The following LEKR1 variants were observed in gnomAD, a reference collection of about 807,000 sequenced individuals.
LEKR1 encodes the protein leucine, glutamate and lysine rich 1.
LEKR1 carries 59 observed loss-of-function variants against 72.4 expected under a neutral mutation model. That is an observed-to-expected ratio of 0.82 (90% CI 0.66 to 1.01). LEKR1 has a LOEUF of 1.01. LEKR1 is among the 50% of genes least tolerant of loss of function. LEKR1 has a pLI of 0.00. For missense variants in LEKR1, 728 were observed against 759.2 expected, an observed-to-expected ratio of 0.96 and a Z score of 0.48; for synonymous variants, 257 against 263.2, an observed-to-expected ratio of 0.98 and a Z score of 0.23.
rs1438383099 is a variant in LEKR1 at position 156,852,898 on chromosome 3, G to A, written c.179G>A (p.Arg60His). 1.6e-5 allele frequency: 24 copies of A among 1,458,450 alleles called. No individual in the cohort carries two copies. The highest frequency in any genetic ancestry group is 2.6e-5 in the East Asian group (1 of 38,000). 90.3% of individuals were successfully genotyped at this position (1,458,450 alleles called of 1,614,324 possible). A position where few individuals can be genotyped will look rare whatever the true frequency, so the allele number is the denominator to read the frequency against. The change falls in exon 3 of 13, where the codon CGT becomes CAT. Residue 60 changes from arginine to histidine, a missense_variant. Arg to His is a conservative substitution (Grantham distance 29, BLOSUM62 0). Coordinates refer to ENST00000356539, the MANE Select transcript of LEKR1 (RefSeq NM_001004316.3). The part of the protein sequence containing the change: ...EMKFYQGSVD[R>H]EKRLQEKLHS... ...AAATTTTATCAAGGAAGTGTAGATC[G>A]TGAAAAGAGACTTCAAGAAAAGCTG...
intron 3 of LEKR1, among the ~76,000 whole-genome samples, chr3:156,918,195 A>T (rs1723835930): frequency 1.3e-5 from 2 of 152,206 alleles, no homozygotes; most frequent in African/African-American, 4.8e-5. Flanking sequence ...ATTTAACTAT[A>T]TTGGGAGGAT....
intron 6 of LEKR1, among the ~76,000 whole-genome samples, chr3:156,978,755 A>T (rs1394620468): frequency 2.6e-5 from 4 of 151,904 alleles, no homozygotes; most frequent in African/African-American, 9.7e-5. Flanking sequence ...AGCCTGGAAC[A>T]TGATTTGTCT....
chr3:156,974,765 A>G (rs1201696522), intron 6 of LEKR1, among the ~76,000 whole-genome samples: 1 of 151,930 alleles, frequency 6.6e-6, no homozygotes, highest in East Asian at 1.9e-4. Flanking sequence ...GAATAATACA[A>G]CATGTATGTG....
intron 3 of LEKR1, among the ~76,000 whole-genome samples, chr3:156,898,349 A>G (rs1211598724): frequency 6.6e-6 from 1 of 152,176 alleles, no homozygotes; most frequent in Non-Finnish European, 1.5e-5. Flanking sequence ...ATGACTCCCC[A>G]GAACCCTTAG....
At chr3:157,010,590 A>G (rs577683586) in intron 9 of LEKR1, among the ~76,000 whole-genome samples, 1 of 152,192 alleles carries the variant, frequency 6.6e-6, no homozygotes, top group African/African-American at 2.4e-5. Flanking sequence ...AAGGATTAGA[A>G]GAATGAATGA....
chr3:156,911,399 A>T (rs1250346870), intron 3 of LEKR1, among the ~76,000 whole-genome samples: 1 of 151,938 alleles, frequency 6.6e-6, no homozygotes, highest in African/African-American at 2.4e-5. Context: ...TAGATTCTGG[A>T]TATTAGACTT....
intron 12 of LEKR1, 67 bp from the exon 13 acceptor site, chr3:157,045,273 C>T (rs764704973): frequency 4.6e-6 from 6 of 1,315,484 alleles, no homozygotes; most frequent in South Asian, 1.4e-5. Flanking sequence ...TTGTATTGTC[C>T]GTAACTATCT....
At chr3:156,958,910 G>A (rs909580693) in intron 6 of LEKR1, among the ~76,000 whole-genome samples, 1 of 151,814 alleles carries the variant, frequency 6.6e-6, no homozygotes, top group Non-Finnish European at 1.5e-5. Flanking sequence ...GTTTTGTTTG[G>A]CTTTACTTTC....
chr3:156,969,037 A>G (rs1452626477), intron 6 of LEKR1, among the ~76,000 whole-genome samples: 9 of 152,214 alleles, frequency 5.9e-5, no homozygotes, highest in Admixed American at 5.9e-4. Context: ...CTGGGTACAT[A>G]ATGAAATGAA....
intron 6 of LEKR1, among the ~76,000 whole-genome samples, chr3:156,955,570 A>T (rs1274391293): frequency 1.3e-5 from 2 of 151,962 alleles, no homozygotes; most frequent in African/African-American, 2.4e-5. Context: ...GTTGAATTTT[A>T]TCAAAGGCCT....
chr3:156,914,387 C>T (rs2108569862), intron 3 of LEKR1, among the ~76,000 whole-genome samples: 1 of 152,262 alleles, frequency 6.6e-6, no homozygotes, highest in African/African-American at 2.4e-5. Flanking sequence ...TTATTCATCT[C>T]CCACTTATGA....
chr3:157,039,803 G>A (rs1288252828), intron 12 of LEKR1, among the ~76,000 whole-genome samples: 1 of 152,142 alleles, frequency 6.6e-6, no homozygotes, highest in Non-Finnish European at 1.5e-5. Context: ...ACAGAATATG[G>A]CACACACTTC....
At position 157,040,936 on chromosome 3, in the gene LEKR1, T is replaced by C. The variant is rs116817563; in HGVS notation, c.1669-4404T>C. Among the ~76,000 whole-genome samples, 948 of 152,282 alleles carry C rather than the reference T, an allele frequency of 6.2e-3. 5 individuals carry two copies. Among genetic ancestry groups the C allele is most frequent in the African/African-American group, 0.022 (894 of 41,540 alleles). The stretch of plus-strand genomic sequence containing the variant: ...CCTTCTCTCCCTTCTTCCACTGTTT[T>C]TGAAATTTAAAGCAACCCAGCTGCC... On this transcript the variant is annotated intron_variant, in intron 12 of 12. Coordinates refer to ENST00000356539, the MANE Select transcript of LEKR1 (RefSeq NM_001004316.3).
chr3:156,942,340 A>C (rs967225678), intron 5 of LEKR1, among the ~76,000 whole-genome samples, 189 bp from the exon 6 acceptor site: 1 of 152,040 alleles, frequency 6.6e-6, no homozygotes, highest in African/African-American at 2.4e-5. Context: ...GTAGCAATAA[A>C]ACTTTTTTTA....
intron 6 of LEKR1, among the ~76,000 whole-genome samples, chr3:156,971,722 C>CA (rs1443693514): frequency 6.6e-6 from 1 of 152,070 alleles, no homozygotes; most frequent in Non-Finnish European, 1.5e-5. Flanking sequence ...TTTATGCAGC[C>CA]AAAAGACACG....
At chr3:156,846,380 C>T (rs1028986734) in intron 2 of LEKR1, among the ~76,000 whole-genome samples, 2 of 151,560 alleles carry the variant, frequency 1.3e-5, no homozygotes, top group African/African-American at 4.8e-5. Context: ...GGTGGATATC[C>T]TTGCCATTTT....
chr3:156,973,020 TAAG>T (rs1165137633), intron 6 of LEKR1, among the ~76,000 whole-genome samples: 16 of 152,092 alleles, frequency 1.1e-4, no homozygotes, highest in Non-Finnish European at 2.1e-4. Flanking sequence ...AAATAACAAA[TAAG>T]AAAGTTACAT....
At chr3:156,843,387 TC>T in intron 2 of LEKR1, among the ~76,000 whole-genome samples, 2 of 152,286 alleles carry the variant, frequency 1.3e-5, no homozygotes, top group East Asian at 3.9e-4. Flanking sequence ...GTGGAACTGA[TC>T]TTTTGTTTTT....
At chr3:156,949,972 G>T (rs1214782967) in intron 6 of LEKR1, among the ~76,000 whole-genome samples, 1 of 151,112 alleles carries the variant, frequency 6.6e-6, no homozygotes, top group South Asian at 2.1e-4. Context: ...TCTGTTTCTT[G>T]AAAGTTTGGT....
Sources: gnomAD v4.1 joint callset for allele counts (sites outside exome capture counted in the v4.1 genomes callset) on GRCh38, gnomAD v4.1.1 for gene constraint, MANE v1.5 for transcripts, NCBI Gene and HGNC (gene_info 2026-07-23, HGNC 2026-07-21) for gene names.